Variants in SBNO2 observed in about 807,000 individuals in gnomAD.
The protein encoded by SBNO2 is protein strawberry notch homolog 2.
In SBNO2, 89 loss-of-function variants were observed where a neutral mutation model predicts 146.3. The ratio of observed to expected loss-of-function variants is 0.61; its 90% CI spans 0.51 to 0.73. The LOEUF is 0.73. Among genes scored for constraint, SBNO2 ranks in the 30% least tolerant of loss-of-function variants. SBNO2 has a pLI of 0.00. For synonymous variants in SBNO2, 1,147 were observed against 892.6 expected, an observed-to-expected ratio of 1.29 and a Z score of -5.08; for missense variants, 2,092 against 2,003.7, an observed-to-expected ratio of 1.04 and a Z score of -0.84.
At position 1,158,200 on chromosome 19, in the gene SBNO2, C is replaced by A. The variant is rs1462085853; in HGVS notation, c.-126-3798G>T. Among the ~76,000 whole-genome samples, 1 of 152,220 alleles carries A rather than the reference C, an allele frequency of 6.6e-6. No individual in the cohort carries two copies. Among genetic ancestry groups the A allele is most frequent in the Non-Finnish European group, 1.5e-5 (1 of 68,042 alleles). ...GAACTGGCCACTGTGCGGACCCTCC[C>A]CCTGGGGGTCCCTGAGCACCTGTCG... On this transcript the variant is annotated intron_variant, in intron 1 of 31. Coordinates refer to ENST00000361757, the MANE Select transcript of SBNO2 (RefSeq NM_014963.3). This position sits in a 1 kb window ranked among gnomAD's most constrained non-coding sequence, Gnocchi z 9.9.
intron 2 of SBNO2, among the ~76,000 whole-genome samples, chr19:1,151,272 C>T (rs1424683853): frequency 1.3e-5 from 2 of 152,082 alleles, no homozygotes; most frequent in African/African-American, 2.4e-5. Context: ...GGCAGGGCCA[C>T]GGCCAGGGAA....
chr19:1,124,609 C>CCTCTG (rs376905085), intron 5 of SBNO2, among the ~76,000 whole-genome samples: 1 of 152,208 alleles, frequency 6.6e-6, no homozygotes, highest in African/African-American at 2.4e-5. Flanking sequence ...GGTGCAGTCC[C>CCTCTG]TGAGGCCCCT....
At position 1,120,678 on chromosome 19, in the gene SBNO2, G is replaced by T. The variant is rs368518850; in HGVS notation, c.1150-655C>A. 1.1e-3 allele frequency among the ~76,000 whole-genome samples: 171 copies of T among 150,094 alleles called. 1 individual carries two copies. Among genetic ancestry groups the T allele is most frequent in the African/African-American group, 3.7e-3 (151 of 40,902 alleles). ...GAGCCGTGCCCAGCCCTAATTCTTTGTTTTTTTTTGAGACGAAGTCTCGCT... is the reference window on the plus strand; with the variant it reads ...GAGCCGTGCCCAGCCCTAATTCTTTTTTTTTTTTTGAGACGAAGTCTCGCT... On this transcript the variant is annotated intron_variant, in intron 11 of 31. Transcript: ENST00000361757.
chr19:1,124,143 C>T (rs1464783869), intron 5 of SBNO2, 121 bp from the exon 6 acceptor site: 1 of 893,680 alleles, frequency 1.1e-6, no homozygotes, highest in Non-Finnish European at 1.8e-6. Flanking sequence ...CCCATCCTCG[C>T]TCCCCAGGGC....
At chr19:1,169,199 C>G (rs1045693602) in intron 1 of SBNO2, 5 of 152,274 alleles carry the variant, frequency 3.3e-5, no homozygotes, top group South Asian at 2.1e-4. Context: ...CGAGGCTGCC[C>G]GGGACAGTGC....
chr19:1,173,272 CG>C lies in SBNO2; in HGVS notation c.-127+899del, dbSNP rs1418634306. Among the ~76,000 whole-genome samples the C allele has an allele frequency of 6.6e-6, 1 of 152,074 alleles. No homozygotes were observed. Among genetic ancestry groups the C allele is most frequent in the Non-Finnish European group, 1.5e-5 (1 of 68,026 alleles). On this transcript the variant is annotated intron_variant, in intron 1 of 31. Coordinates refer to ENST00000361757, the MANE Select transcript of SBNO2 (RefSeq NM_014963.3). This position sits in a 1 kb window ranked among gnomAD's most constrained non-coding sequence, Gnocchi z 4.7. The stretch of plus-strand genomic sequence containing the variant: ...CCCCTTCACCGACACACGCTGCTCC[CG>C]GGCCCCACTCGGGCCATCTCAGCCC...
Position 1,109,059 on chromosome 19 carries a change from G to A in SBNO2, c.3425+76C>T. ...CCTGAGATCTCCCGCCTCCTCTCAG[G>A]GTCTCGGGAGCCCCCGATCCCCGCC... On this transcript the variant is annotated intron_variant, in intron 30 of 31. Coordinates refer to ENST00000361757, the MANE Select transcript of SBNO2 (RefSeq NM_014963.3). The surrounding 1 kb of genome is among the most constrained non-coding windows in gnomAD (Gnocchi z 4.2). 6.6e-7 allele frequency: 1 copy of A among 1,522,632 alleles called. No homozygotes were observed. Among genetic ancestry groups the A allele is most frequent in the South Asian group, 1.2e-5 (1 of 81,830 alleles). The allele number at this position is 1,522,632 out of a possible 1,614,324, so 94.3% of individuals were successfully genotyped here.
In SBNO2 at chr19:1,158,170, G is replaced by A. The variant is rs1424689312; in HGVS notation, c.-126-3768C>T. Among the ~76,000 whole-genome samples the A allele has an allele frequency of 1.3e-5, 2 of 152,204 alleles. No homozygotes were observed. Among genetic ancestry groups the A allele is most frequent in the Admixed American group, 1.3e-4 (2 of 15,280 alleles). ...TGCAGCAACAGCTCAGCCTCCTGAT[G>A]TTCAGAACTGGCCACTGTGCGGACC... On this transcript the variant is annotated intron_variant, in intron 1 of 31. Coordinates refer to ENST00000361757, the MANE Select transcript of SBNO2 (RefSeq NM_014963.3). The surrounding 1 kb of genome is among the most constrained non-coding windows in gnomAD (Gnocchi z 9.9).
At position 1,109,228 on chromosome 19, in the gene SBNO2, G is replaced by T. The variant is rs376859092; in HGVS notation, c.3349-17C>A. On this transcript the variant is annotated splice_polypyrimidine_tract_variant and intron_variant, in intron 29 of 31. Transcript: ENST00000361757. The surrounding 1 kb of genome is among the most constrained non-coding windows in gnomAD (Gnocchi z 4.2). The stretch of plus-strand genomic sequence containing the variant: ...CGCGGTGACCTAGGGACACAGGGCC[G>T]CATGAGCCTGGGCGGGGTCAGGGCC... The T allele has an allele frequency of 1.3e-6, 2 of 1,569,610 alleles. No individual in the cohort carries two copies. Among genetic ancestry groups the T allele is most frequent in the Admixed American group, 1.9e-5 (1 of 53,122 alleles).
intron 5 of SBNO2, among the ~76,000 whole-genome samples, chr19:1,124,872 G>A (rs740496): frequency 0.039 from 5,883 of 152,252 alleles, 208 homozygotes; most frequent in East Asian, 0.16. Flanking sequence ...TAAAGCCTGT[G>A]AACGGGTGGG....
rs1031796493 is a variant in SBNO2, at chr19:1,151,882, C to T, written c.93+2302G>A. Among the ~76,000 whole-genome samples the T allele has an allele frequency of 3.3e-5, 5 of 152,328 alleles. No homozygotes were observed. In the East Asian group the frequency reaches 5.8e-4, roughly 18 times the overall value. On this transcript the variant is annotated intron_variant, in intron 2 of 31. Transcript: ENST00000361757. ...TTCATCATGTTGGCCAGGCCGGTCTCGAACTCCTGACCCCAAGCAATGTGC... is the reference window on the plus strand; with the variant it reads ...TTCATCATGTTGGCCAGGCCGGTCTTGAACTCCTGACCCCAAGCAATGTGC...
At position 1,110,168 on chromosome 19, in the gene SBNO2, G is replaced by A. The variant is rs187052518; in HGVS notation, c.3029-391C>T. Among the ~76,000 whole-genome samples, 836 of 152,192 alleles carry A rather than the reference G, an allele frequency of 5.5e-3. No individual in the cohort carries two copies. Among genetic ancestry groups the A allele is most frequent in the South Asian group, 0.012 (56 of 4,830 alleles). On this transcript the variant is annotated intron_variant, in intron 26 of 31. Coordinates refer to ENST00000361757, the MANE Select transcript of SBNO2 (RefSeq NM_014963.3). This position sits in a 1 kb window ranked among gnomAD's most constrained non-coding sequence, Gnocchi z 4.9. ...GCTGGGTGACCCCAAGCAGGCTGTG[G>A]GGGATCGTGGGAGCCTGGTTGGCTG...
At chr19:1,164,998 G>A (rs1368542404) in intron 1 of SBNO2, among the ~76,000 whole-genome samples, 5 of 130,726 alleles carry the variant, frequency 3.8e-5, no homozygotes, top group Non-Finnish European at 8.4e-5. Context: ...AGGAGGCAGC[G>A]GCGGCACTGT....
intron 3 of SBNO2, 33 bp downstream of exon 3, chr19:1,149,336 T>C (rs1435228582): frequency 6.5e-7 from 1 of 1,540,290 alleles, no homozygotes; most frequent in African/African-American, 1.4e-5. Flanking sequence ...TGAGCAAGCC[T>C]GGGGGCCAGG....
rs2079686725 is a variant in SBNO2 at position 1,107,719 on chromosome 19, G to A, written c.*501C>T. The stretch of plus-strand genomic sequence containing the variant: ...TTGCTATAAATACATAGAAACCGCA[G>A]GCGCCACCCTGCCAGCTCCGCGGCC... On this transcript the variant is annotated 3_prime_UTR_variant, in exon 32 of 32. Transcript: ENST00000361757. 6.5e-6 allele frequency: 1 copy of A among 153,056 alleles called. No homozygotes were observed. 9.5% of individuals were successfully genotyped at this position (153,056 alleles called of 1,614,324 possible).
Position 1,113,578 on chromosome 19 carries a change from T to C in SBNO2, c.2204A>G (p.Asp735Gly). The change falls in exon 19 of 32, where the codon GAC becomes GGC. Residue 735 changes from aspartate (D) to glycine (G), a missense_variant. By Grantham distance (94) the Asp-to-Gly change is moderately conservative. Coordinates refer to ENST00000361757, the MANE Select transcript of SBNO2 (RefSeq NM_014963.3). ...GCCGCCCAGCTGGTCGATGAGCTCG[T>C]CCAGGGTGTTGACTGGCAGTTCCCG... The part of the protein sequence containing the change: ...LGRELPVNTL[D>G]ELIDQLGGPQ... 1 of 1,600,900 alleles carries C rather than the reference T, an allele frequency of 6.2e-7. No individual in the cohort carries two copies.
intron 5 of SBNO2, among the ~76,000 whole-genome samples, chr19:1,127,019 G>A (rs1371168376): frequency 1.3e-5 from 2 of 152,066 alleles, no homozygotes; most frequent in Admixed American, 6.5e-5. Flanking sequence ...CAGCCCCCAC[G>A]GACAATGTCC....
At chr19:1,117,560 C>T (rs1003753716) in intron 14 of SBNO2, 61 bp from the exon 15 acceptor site, 31 of 1,485,506 alleles carry the variant, frequency 2.1e-5, no homozygotes, top group African/African-American at 7.1e-5. Flanking sequence ...ACCCGGGCCC[C>T]GGCCCACCTG....
intron 1 of SBNO2, among the ~76,000 whole-genome samples, chr19:1,166,211 T>C (rs917646889): frequency 4.4e-4 from 2 of 4,514 alleles, no homozygotes; most frequent in African/African-American, 1.5e-3. Flanking sequence ...GATCCCCAGA[T>C]CCCAGACCCG....
Sources: allele counts gnomAD v4.1 joint callset (sites outside exome capture counted in the v4.1 genomes callset), GRCh38; gene constraint gnomAD v4.1.1; non-coding constraint Gnocchi (gnomAD v3.1); transcripts MANE v1.5; gene names NCBI Gene and HGNC (gene_info 2026-07-23, HGNC 2026-07-21).